The following BABAM2 variants were observed in gnomAD, a reference collection of about 807,000 sequenced individuals.
BABAM2 encodes the protein BRISC and BRCA1-A complex member 2.
BABAM2 carries 31 observed loss-of-function variants against 54.7 expected under a neutral mutation model. The observed-to-expected ratio is 0.57, with a 90% confidence interval of 0.43 to 0.77. BABAM2 has a LOEUF of 0.77. Among genes scored for constraint, BABAM2 ranks in the 30% least tolerant of loss-of-function variants. The pLI, the probability that BABAM2 is intolerant of heterozygous loss-of-function variation, is 0.00. For synonymous variants in BABAM2, 167 were observed against 162.9 expected, an observed-to-expected ratio of 1.03 and a Z score of -0.19; for missense variants, 364 against 455.8, an observed-to-expected ratio of 0.80 and a Z score of 1.83.
intron 7 of BABAM2, among the ~76,000 whole-genome samples, chr2:28,202,353 C>T (rs1050231020): frequency 5.3e-5 from 8 of 152,178 alleles, no homozygotes; most frequent in African/African-American, 1.4e-4. Flanking sequence ...TTGAGTCCCC[C>T]CTTCCCTGGA....
At chr2:28,332,060 C>T (rs189621308) in intron 11 of BABAM2, among the ~76,000 whole-genome samples, 9 of 152,096 alleles carry the variant, frequency 5.9e-5, no homozygotes, top group South Asian at 2.1e-4. Context: ...AAACTAACAC[C>T]GGAACAGAAA....
intron 7 of BABAM2, among the ~76,000 whole-genome samples, chr2:28,202,611 G>A (rs1028711680): frequency 2.0e-5 from 3 of 152,086 alleles, no homozygotes; most frequent in Non-Finnish European, 4.4e-5. Context: ...TTATGCGATG[G>A]GAACATTTTA....
At chr2:28,100,882 C>T (rs1207208196) in intron 6 of BABAM2, among the ~76,000 whole-genome samples, 1 of 152,154 alleles carries the variant, frequency 6.6e-6, no homozygotes, top group Non-Finnish European at 1.5e-5. Context: ...TGTGGAGGTA[C>T]TCATTCATCA....
chr2:28,013,746 C>T (rs1184533646), intron 4 of BABAM2, among the ~76,000 whole-genome samples: 1 of 136,996 alleles, frequency 7.3e-6, no homozygotes, highest in African/African-American at 2.7e-5. Context: ...TGTGTGTACA[C>T]GTGGCTCACA....
At chr2:28,120,441 G>C (rs1001585439) in intron 6 of BABAM2, among the ~76,000 whole-genome samples, 4 of 152,126 alleles carry the variant, frequency 2.6e-5, no homozygotes, top group Non-Finnish European at 5.9e-5. Context: ...CATCCTAGAG[G>C]ATATAGTATC....
At position 28,068,281 on chromosome 2, in the gene BABAM2, C is replaced by T. The variant is rs190907177; in HGVS notation, c.570+22482C>T. Reference sequence around the variant, plus strand: ...AATCTTCTTATGCAATATTTACAACCTACATATGTAGCGAGGGCACAAAAT... The same window carrying T: ...AATCTTCTTATGCAATATTTACAACTTACATATGTAGCGAGGGCACAAAAT... On this transcript the variant is annotated intron_variant, in intron 6 of 11. Transcript: ENST00000379624. 4.6e-5 allele frequency among the ~76,000 whole-genome samples: 7 copies of T among 152,222 alleles called. No homozygotes were observed. The East Asian group carries it at 1.2e-3, about 25-fold the overall frequency.
intron 3 of BABAM2, among the ~76,000 whole-genome samples, chr2:27,934,407 T>C (rs1212201965): frequency 8.5e-5 from 13 of 152,236 alleles, no homozygotes; most frequent in Admixed American, 7.8e-4. Context: ...TTCTGATTGC[T>C]GTACTGATCG....
At chr2:28,220,949 C>T (rs534036043) in intron 7 of BABAM2, among the ~76,000 whole-genome samples, 21 of 152,258 alleles carry the variant, frequency 1.4e-4, no homozygotes, top group African/African-American at 2.4e-4. Context: ...CAAAATGCAA[C>T]GTGATCATGT....
At chr2:28,269,231 G>A (rs10207280) in intron 10 of BABAM2, among the ~76,000 whole-genome samples, 5,042 of 152,230 alleles carry the variant, frequency 0.033, 168 homozygotes, top group African/African-American at 0.095. Context: ...TCTGTAAATA[G>A]TCAATCCAGA....
intron 6 of BABAM2, among the ~76,000 whole-genome samples, chr2:28,091,488 C>G (rs1210801542): frequency 6.6e-6 from 1 of 152,168 alleles, no homozygotes; most frequent in Non-Finnish European, 1.5e-5. Flanking sequence ...TCACCTTGAC[C>G]TATTCATCCG....
At chr2:27,912,247 C>CT (rs1015566444) in intron 2 of BABAM2, among the ~76,000 whole-genome samples, 336 of 147,042 alleles carry the variant, frequency 2.3e-3, no homozygotes, top group African/African-American at 7.5e-3. Flanking sequence ...ACTCCTTATT[C>CT]TTTTTTTTTT....
chr2:28,183,344 G>A lies in BABAM2; in HGVS notation c.681-53858G>A, dbSNP rs929475714. ...TAATCCCAGCTACTTGGGAGGCTGA[G>A]GCAGGAGAATTGCTTGAACCTGGGA... On this transcript the variant is annotated intron_variant, in intron 7 of 11. Coordinates refer to ENST00000379624, the MANE Select transcript of BABAM2 (RefSeq NM_199191.3). Among the ~76,000 whole-genome samples, 71 of 152,272 alleles carry A rather than the reference G, an allele frequency of 4.7e-4. 2 individuals are homozygous for A. Among genetic ancestry groups the A allele is most frequent in the African/African-American group, 1.7e-3 (69 of 41,556 alleles).
At chr2:28,276,916 C>A (rs1316065197) in intron 10 of BABAM2, among the ~76,000 whole-genome samples, 1 of 152,154 alleles carries the variant, frequency 6.6e-6, no homozygotes, top group Non-Finnish European at 1.5e-5. Flanking sequence ...TGAGCATTAT[C>A]TTTACACATT....
intron 4 of BABAM2, among the ~76,000 whole-genome samples, chr2:28,002,757 T>C (rs1673667316): frequency 6.6e-6 from 1 of 152,224 alleles, no homozygotes; most frequent in Non-Finnish European, 1.5e-5. Flanking sequence ...TTTAGTGATA[T>C]ATTTAATGTG....
chr2:28,040,613 C>A (rs1249833183), intron 5 of BABAM2, among the ~76,000 whole-genome samples: 1 of 151,664 alleles, frequency 6.6e-6, no homozygotes, highest in Non-Finnish European at 1.5e-5. Context: ...AAACTGAATT[C>A]TTGAGTCTTA....
In BABAM2 at chr2:27,951,239, TTGAGA is replaced by T. The variant is rs1335373222; in HGVS notation, c.205+21333_205+21337del. Among the ~76,000 whole-genome samples the T allele has an allele frequency of 3.9e-5, 6 of 152,308 alleles. No individual in the cohort carries two copies. In the East Asian group the frequency reaches 1.2e-3, roughly 29 times the overall value. On this transcript the variant is annotated intron_variant, in intron 3 of 11. Transcript: ENST00000379624. ...GTAGTTTATTAACATGGTCATTGATTTGAGATCTTTCTTTTTTCCTAATATTGGTG... is the reference window on the plus strand; with the variant it reads ...GTAGTTTATTAACATGGTCATTGATTTCTTTCTTTTTTCCTAATATTGGTG...
intron 10 of BABAM2, among the ~76,000 whole-genome samples, chr2:28,296,782 G>A (rs937683483): frequency 5.3e-5 from 8 of 152,162 alleles, no homozygotes; most frequent in African/African-American, 1.9e-4. Flanking sequence ...CCGCCTCCCG[G>A]ATTCAAGCGA....
intron 2 of BABAM2, among the ~76,000 whole-genome samples, chr2:27,897,887 A>G (rs1295661528): frequency 6.6e-6 from 1 of 152,220 alleles, no homozygotes; most frequent in African/African-American, 2.4e-5. Context: ...TGAAGTCATC[A>G]AGATCAGATC....
chr2:27,947,905 G>A (rs140489848), intron 3 of BABAM2, among the ~76,000 whole-genome samples: 2 of 152,188 alleles, frequency 1.3e-5, no homozygotes, highest in African/African-American at 2.4e-5. Flanking sequence ...TCCCACATAT[G>A]TGTGAGCATT....
Sources: gnomAD v4.1 joint callset for allele counts (sites outside exome capture counted in the v4.1 genomes callset) on GRCh38, gnomAD v4.1.1 for gene constraint, MANE v1.5 for transcripts, NCBI Gene and HGNC (gene_info 2026-07-23, HGNC 2026-07-21) for gene names.